The following PACS1 variants were observed in gnomAD, a reference collection of about 807,000 sequenced individuals.
The protein encoded by PACS1 is PACS-1.
PACS1 carries 24 observed loss-of-function variants against 115.0 expected under a neutral mutation model. The ratio of observed to expected loss-of-function variants is 0.21; its 90% CI spans 0.15 to 0.29. The LOEUF (loss-of-function observed/expected upper bound fraction) is 0.29, where lower values mean the gene tolerates loss of function less well. Among genes scored for constraint, PACS1 ranks in the 10% least tolerant of loss-of-function variants. PACS1 has a pLI of 1.00. For synonymous variants in PACS1, 453 were observed against 504.5 expected, an observed-to-expected ratio of 0.90 and a Z score of 1.37; for missense variants, 838 against 1,251.2, an observed-to-expected ratio of 0.67 and a Z score of 4.98.
rs77757125 is a variant in PACS1, at chr11:66,110,401, T to C, written c.356+39559T>C. ...ATCATAGCTCACTGCAGCCTCGCCC[T>C]CCTGGGCTCAAGGGATCCTCCTGCC... On this transcript the variant is annotated intron_variant, in intron 1 of 23. Transcript: ENST00000320580. Among the ~76,000 whole-genome samples, 1,273 of 152,234 alleles carry C rather than the reference T, an allele frequency of 8.4e-3. 90 individuals are homozygous for C. In the East Asian group the frequency reaches 0.17, roughly 21 times the overall value.
chr11:66,240,301 G>T (rs947663039), intron 21 of PACS1, among the ~76,000 whole-genome samples: 2 of 152,142 alleles, frequency 1.3e-5, no homozygotes, highest in Admixed American at 1.3e-4. Context: ...CCAGCAGCAG[G>T]GGGCAGAGAG....
chr11:66,187,680 C>T (rs1854415355), intron 1 of PACS1, among the ~76,000 whole-genome samples: 1 of 152,134 alleles, frequency 6.6e-6, no homozygotes, highest in African/African-American at 2.4e-5. Flanking sequence ...GGTATGTGCA[C>T]ACCACATTTT....
At chr11:66,090,040 A>G (rs1304045304) in intron 1 of PACS1, among the ~76,000 whole-genome samples, 2 of 147,656 alleles carry the variant, frequency 1.4e-5, no homozygotes, top group Non-Finnish European at 3.0e-5. Context: ...TGCCATTGGT[A>G]TAAATTCAAG....
At chr11:66,228,968 C>G (rs575618542) in intron 11 of PACS1, among the ~76,000 whole-genome samples, 64 of 152,124 alleles carry the variant, frequency 4.2e-4, no homozygotes, top group Non-Finnish European at 7.8e-4. Context: ...TAGCAGAGTC[C>G]TCCCTGAGGG....
At chr11:66,117,736 C>T (rs1858336708) in intron 1 of PACS1, among the ~76,000 whole-genome samples, 1 of 151,780 alleles carries the variant, frequency 6.6e-6, no homozygotes, top group African/African-American at 2.4e-5. Flanking sequence ...ATTCCAGCTA[C>T]TTGGGAGGCT....
At chr11:66,124,600 T>G (rs1858528230) in intron 1 of PACS1, among the ~76,000 whole-genome samples, 4 of 152,220 alleles carry the variant, frequency 2.6e-5, no homozygotes, top group Admixed American at 2.6e-4. Context: ...TTTCTTGCAT[T>G]TTAATGACAA....
chr11:66,212,331 A>G (rs1044732933), intron 4 of PACS1, among the ~76,000 whole-genome samples: 1 of 148,366 alleles, frequency 6.7e-6, no homozygotes, highest in Non-Finnish European at 1.5e-5. Flanking sequence ...ACGGGGTTTC[A>G]CCATGTTGGC....
chr11:66,148,027 T>C (rs1318269301), intron 1 of PACS1, among the ~76,000 whole-genome samples: 1 of 151,854 alleles, frequency 6.6e-6, no homozygotes, highest in African/African-American at 2.4e-5. Context: ...TATACGGCCA[T>C]AATAACAAAA....
intron 1 of PACS1, among the ~76,000 whole-genome samples, chr11:66,106,868 A>G (rs1197778584): frequency 6.6e-6 from 1 of 152,184 alleles, no homozygotes; most frequent in Admixed American, 6.5e-5. Context: ...GCTGCTAAAT[A>G]GGTTTTTGTG....
In PACS1 at chr11:66,070,668, C is replaced by A; in HGVS notation, c.182C>A (p.Ser61Ter). The A allele has an allele frequency of 6.4e-7, 1 of 1,570,782 alleles. No individual in the cohort carries two copies. Among genetic ancestry groups the A allele is most frequent in the Non-Finnish European group, 8.6e-7 (1 of 1,165,156 alleles). ...GCCACCTCGTCGTCCTCGTCCACCTCGGCGGCGGCTGCCTCCTCCTCGTCC... is the reference window on the plus strand; with the variant it reads ...GCCACCTCGTCGTCCTCGTCCACCTAGGCGGCGGCTGCCTCCTCCTCGTCC... The part of the protein sequence containing the change: ...AQATSSSSST[S>*]AAAASSSSSS... The change falls in exon 1 of 24, where the codon TCG (serine) becomes TAG (stop). Residue 61 changes from serine to a stop codon, truncating the protein, a stop_gained. Coordinates refer to ENST00000320580, the MANE Select transcript of PACS1 (RefSeq NM_018026.4). LOFTEE classifies it high-confidence loss of function. This position sits in a 1 kb window ranked among gnomAD's most constrained non-coding sequence, Gnocchi z 5.9.
chr11:66,076,658 G>C (rs779881836), intron 1 of PACS1, among the ~76,000 whole-genome samples: 11 of 152,228 alleles, frequency 7.2e-5, no homozygotes, highest in Non-Finnish European at 1.5e-4. Flanking sequence ...CTCCCAAAGT[G>C]CTGGGATTAC....
At chr11:66,104,926 A>G (rs944740097) in intron 1 of PACS1, among the ~76,000 whole-genome samples, 2 of 152,196 alleles carry the variant, frequency 1.3e-5, no homozygotes, top group African/African-American at 4.8e-5. Context: ...GTAGGCATTC[A>G]GTAAGTAATT....
At chr11:66,206,971 G>A (rs2134693675) in intron 2 of PACS1, among the ~76,000 whole-genome samples, 1 of 152,276 alleles carries the variant, frequency 6.6e-6, no homozygotes, top group South Asian at 2.1e-4. Flanking sequence ...AGTAGACGAA[G>A]TAGTTTACAA....
chr11:66,232,467 G>T (rs1005417871), intron 14 of PACS1, among the ~76,000 whole-genome samples, 191 bp downstream of exon 14: 5 of 152,184 alleles, frequency 3.3e-5, no homozygotes, highest in Admixed American at 3.3e-4. Context: ...CAACTTGTGG[G>T]ATCTTAAATC....
At chr11:66,187,422 AT>A (rs1170497124) in intron 1 of PACS1, among the ~76,000 whole-genome samples, 2 of 152,058 alleles carry the variant, frequency 1.3e-5, no homozygotes, top group Non-Finnish European at 2.9e-5. Context: ...TCTAGCTGTA[AT>A]TTTGTACCCT....
intron 7 of PACS1, chr11:66,217,738 G>A: frequency 2.5e-6 from 1 of 400,176 alleles, no homozygotes; most frequent in Non-Finnish European, 5.1e-6. Flanking sequence ...TCCCCATGAG[G>A]TGTGTCACCA....
At chr11:66,142,837 TGG>T (rs1305733199) in intron 1 of PACS1, among the ~76,000 whole-genome samples, 2 of 151,846 alleles carry the variant, frequency 1.3e-5, no homozygotes, top group African/African-American at 4.8e-5. Context: ...CTGTGAGGCT[TGG>T]GTTTCTCTGA....
intron 2 of PACS1, among the ~76,000 whole-genome samples, chr11:66,209,568 G>A (rs1383119508): frequency 6.6e-6 from 1 of 152,108 alleles, no homozygotes; most frequent in Admixed American, 6.6e-5. Flanking sequence ...TATGGTAGAG[G>A]CTTGATTCAA....
intron 1 of PACS1, among the ~76,000 whole-genome samples, chr11:66,076,542 G>A (rs563137644): frequency 3.3e-5 from 5 of 152,092 alleles, no homozygotes; most frequent in Admixed American, 1.3e-4. Context: ...ATAGGCGCAC[G>A]CCACCACACC....
Sources: gnomAD v4.1 joint callset for allele counts (sites outside exome capture counted in the v4.1 genomes callset) on GRCh38, gnomAD v4.1.1 for gene constraint, Gnocchi (gnomAD v3.1) non-coding constraint, MANE v1.5 for transcripts, NCBI Gene and HGNC (gene_info 2026-07-23, HGNC 2026-07-21) for gene names.